Variants in CSMD1 observed in about 807,000 individuals in gnomAD.
The protein encoded by CSMD1 is CUB and sushi domain-containing protein 1.
A neutral mutation model predicts 417.5 loss-of-function variants in CSMD1; 213 were observed. That is an observed-to-expected ratio of 0.51 (90% CI 0.46 to 0.57). CSMD1 has a LOEUF of 0.57. CSMD1 is among the 20% of genes least tolerant of loss of function. The pLI is 0.00. For synonymous variants in CSMD1, 2,862 were observed against 1,736.8 expected (o/e 1.65, Z -16.11); for missense variants, 6,923 against 4,529.7 (o/e 1.53, Z -15.17).
At chr8:4,499,389 G>C (rs796917267) in intron 2 of CSMD1, among the ~76,000 whole-genome samples, 9 of 152,260 alleles carry the variant, frequency 5.9e-5, no homozygotes, top group African/African-American at 2.2e-4. Context: ...CTGCAGAGAG[G>C]GGTCAGGTTC....
chr8:3,392,792 G>A (rs140874814), intron 17 of CSMD1, among the ~76,000 whole-genome samples: 9 of 152,180 alleles, frequency 5.9e-5, no homozygotes, highest in Non-Finnish European at 8.8e-5. Context: ...CTTCAGCACC[G>A]GGTAAACGGG....
intron 5 of CSMD1, among the ~76,000 whole-genome samples, chr8:3,820,986 G>A (rs142999971): frequency 4.6e-5 from 7 of 151,872 alleles, no homozygotes; most frequent in East Asian, 1.9e-4. Flanking sequence ...GTGCAAACTC[G>A]GTTCACTGCA....
At chr8:4,120,966 C>G (rs1991139) in intron 3 of CSMD1, among the ~76,000 whole-genome samples, 1 of 151,996 alleles carries the variant, frequency 6.6e-6, no homozygotes, top group Non-Finnish European at 1.5e-5. Flanking sequence ...CTTACATGGT[C>G]ATGGACAAAC....
intron 25 of CSMD1, among the ~76,000 whole-genome samples, chr8:3,293,992 A>C (rs879435975): frequency 8.0e-5 from 12 of 150,456 alleles, no homozygotes; most frequent in Non-Finnish European, 1.6e-4. Flanking sequence ...GATGACGTAC[A>C]GATGGGGTTT....
chr8:3,094,770 C>T (rs1815180577), intron 47 of CSMD1, among the ~76,000 whole-genome samples: 2 of 138,790 alleles, frequency 1.4e-5, no homozygotes, highest in Admixed American at 7.6e-5. Context: ...TTTTTTGGTC[C>T]ACCTATGAAC....
intron 42 of CSMD1, among the ~76,000 whole-genome samples, chr8:3,115,463 A>G (rs148028536): frequency 3.3e-5 from 5 of 152,068 alleles, no homozygotes; most frequent in Admixed American, 1.3e-4. Context: ...CGGTCTCCCA[A>G]AGTGTTGGGA....
At chr8:3,236,126 G>C (rs1186537398) in intron 26 of CSMD1, among the ~76,000 whole-genome samples, 2 of 151,908 alleles carry the variant, frequency 1.3e-5, no homozygotes, top group African/African-American at 4.8e-5. Context: ...CACCATGTTA[G>C]CCAGGAGAGT....
chr8:3,237,984 A>G (rs1390881084), intron 26 of CSMD1, among the ~76,000 whole-genome samples: 3 of 150,208 alleles, frequency 2.0e-5, no homozygotes, highest in East Asian at 3.9e-4. Context: ...AGATTTAAAT[A>G]ATAAATTTCA....
intron 50 of CSMD1, among the ~76,000 whole-genome samples, chr8:3,031,974 G>A (rs201662002): frequency 6.8e-6 from 1 of 146,640 alleles, no homozygotes; most frequent in South Asian, 2.2e-4. Context: ...GTATGTGTGT[G>A]TATATATATA....
intron 25 of CSMD1, among the ~76,000 whole-genome samples, chr8:3,302,690 GT>G (rs1453518573): frequency 6.6e-6 from 1 of 152,192 alleles, no homozygotes; most frequent in African/African-American, 2.4e-5. Context: ...AAGAGGAGAT[GT>G]GATCTGTCAC....
At chr8:3,174,381 G>A (rs1017776813) in intron 37 of CSMD1, among the ~76,000 whole-genome samples, 9 of 152,130 alleles carry the variant, frequency 5.9e-5, no homozygotes, top group African/African-American at 2.2e-4. Flanking sequence ...TTCAGTCCCA[G>A]CTACTCCAAA....
chr8:3,532,396 T>C (rs745346604), intron 10 of CSMD1, among the ~76,000 whole-genome samples: 7 of 152,138 alleles, frequency 4.6e-5, no homozygotes, highest in Non-Finnish European at 1.0e-4. Flanking sequence ...GTGGTGAGGA[T>C]GGTGAGCTAG....
chr8:3,940,690 C>G (rs1011407285), intron 5 of CSMD1, among the ~76,000 whole-genome samples: 16 of 151,838 alleles, frequency 1.1e-4, no homozygotes, highest in African/African-American at 3.9e-4. Context: ...AACATACCTA[C>G]ATTGCTTTTT....
At chr8:4,470,595 C>T (rs1046598710) in intron 2 of CSMD1, among the ~76,000 whole-genome samples, 3 of 152,186 alleles carry the variant, frequency 2.0e-5, no homozygotes, top group African/African-American at 4.8e-5. Context: ...AACTGCCAAA[C>T]ACTGGTCTAA....
intron 5 of CSMD1, among the ~76,000 whole-genome samples, chr8:3,837,779 C>G (rs1245681135): frequency 1.3e-5 from 2 of 151,350 alleles, no homozygotes; most frequent in East Asian, 3.9e-4. Context: ...TCTTTGTTTT[C>G]TCAGACTGCA....
intron 4 of CSMD1, among the ~76,000 whole-genome samples, chr8:4,004,839 G>A (rs553229078): frequency 6.6e-6 from 1 of 152,166 alleles, no homozygotes; most frequent in East Asian, 1.9e-4. Flanking sequence ...CCGCCTCCCG[G>A]GTTCACGCCA....
intron 7 of CSMD1, chr8:3,700,371 G>A (rs976274454): frequency 1.3e-5 from 2 of 152,178 alleles, no homozygotes; most frequent in Admixed American, 1.3e-4. Context: ...CTTTATGTGT[G>A]TGTTTATGAT....
intron 7 of CSMD1, among the ~76,000 whole-genome samples, chr8:3,647,217 C>A (rs1797619808): frequency 6.6e-6 from 1 of 152,116 alleles, no homozygotes; most frequent in African/African-American, 2.4e-5. Flanking sequence ...TTAAAAATAT[C>A]TATGCTGTGA....
intron 1 of CSMD1, among the ~76,000 whole-genome samples, chr8:4,708,598 A>G (rs536869086): frequency 7.9e-5 from 12 of 152,200 alleles, no homozygotes; most frequent in Non-Finnish European, 1.6e-4. Context: ...TAGGTAGCCA[A>G]TCAGAAAGAG....
Sources: allele counts gnomAD v4.1 joint callset (sites outside exome capture counted in the v4.1 genomes callset), GRCh38; gene constraint gnomAD v4.1.1; transcripts MANE v1.5; gene names NCBI Gene and HGNC (gene_info 2026-07-23, HGNC 2026-07-21).